The following SDK1 variants were observed in gnomAD, a reference collection of about 807,000 sequenced individuals.
SDK1 encodes protein sidekick-1.
Under a neutral mutation model 245.5 loss-of-function variants are expected in SDK1, and 157 were observed. That is an observed-to-expected ratio of 0.64 (90% CI 0.56 to 0.73). SDK1 has a LOEUF of 0.73. Among genes scored for constraint, SDK1 ranks in the 30% least tolerant of loss-of-function variants. The probability of loss-of-function intolerance (pLI) is 0.00; values close to 1 mark genes in which losing one functional copy is unlikely to be tolerated. For synonymous variants in SDK1, 1,647 were observed against 1,278.5 expected (o/e 1.29, Z -6.15); for missense variants, 3,583 against 3,002.3 (o/e 1.19, Z -4.52).
At chr7:3,665,527 G>A (rs975677938) in intron 4 of SDK1, among the ~76,000 whole-genome samples, 3 of 152,150 alleles carry the variant, frequency 2.0e-5, no homozygotes, top group Non-Finnish European at 2.9e-5. Context: ...TGATGTTCAA[G>A]AAGTATTTGT....
At chr7:4,222,823 C>T (rs1479038430) in intron 40 of SDK1, among the ~76,000 whole-genome samples, 2 of 152,106 alleles carry the variant, frequency 1.3e-5, no homozygotes, top group African/African-American at 4.8e-5. Context: ...CCTGTGAAAG[C>T]CCATGGCCCC....
chr7:4,073,977 A>T (rs1442175018), intron 20 of SDK1, among the ~76,000 whole-genome samples: 1 of 151,740 alleles, frequency 6.6e-6, no homozygotes, highest in Non-Finnish European at 1.5e-5. Context: ...GGGGCGGGGG[A>T]GGTCACAGTC....
rs1303696938 is a variant in SDK1, at chr7:4,026,768, G to A, written c.2602+9416G>A. The stretch of plus-strand genomic sequence containing the variant: ...TCAAAACTGCAAGCACCATAACAAC[G>A]CGAGAACTCAGCCGTGGCCCATAAC... On this transcript the variant is annotated intron_variant, in intron 17 of 44. Transcript: ENST00000404826. This position sits in a 1 kb window ranked among gnomAD's most constrained non-coding sequence, Gnocchi z 4.1. Among the ~76,000 whole-genome samples the A allele has an allele frequency of 2.6e-5, 4 of 152,142 alleles. No homozygotes were observed. Among genetic ancestry groups the A allele is most frequent in the Admixed American group, 2.0e-4 (3 of 15,276 alleles).
intron 11 of SDK1, among the ~76,000 whole-genome samples, chr7:3,969,808 A>G (rs1333344751): frequency 6.6e-6 from 1 of 152,218 alleles, no homozygotes; most frequent in Non-Finnish European, 1.5e-5. Context: ...TGTTAGGGAC[A>G]ACTAAAACAC....
In SDK1 at chr7:4,081,260, G is replaced by A. The variant is rs530366219; in HGVS notation, c.3324+1676G>A. On this transcript the variant is annotated intron_variant, in intron 22 of 44. Transcript: ENST00000404826. ...ATGACGCTCCTTTGGCCCATGTTCC[G>A]TTGCCCAGAACTTGGGCAACGTGGC... 3.3e-5 allele frequency among the ~76,000 whole-genome samples: 5 copies of A among 152,208 alleles called. No individual in the cohort carries two copies. In the East Asian group the frequency reaches 5.8e-4, roughly 18 times the overall value.
At chr7:3,663,522 G>C (rs759591279) in intron 4 of SDK1, among the ~76,000 whole-genome samples, 4 of 152,162 alleles carry the variant, frequency 2.6e-5, no homozygotes, top group Non-Finnish European at 5.9e-5. Flanking sequence ...TGAGGGACCT[G>C]AACAACACAA....
At chr7:3,674,651 A>T (rs1162156482) in intron 4 of SDK1, among the ~76,000 whole-genome samples, 1 of 152,182 alleles carries the variant, frequency 6.6e-6, no homozygotes, top group Non-Finnish European at 1.5e-5. Flanking sequence ...GACAAAGGGC[A>T]GTGATGTGTT....
intron 4 of SDK1, among the ~76,000 whole-genome samples, chr7:3,720,351 G>C (rs1482375887): frequency 2.0e-5 from 3 of 152,064 alleles, no homozygotes; most frequent in Non-Finnish European, 2.9e-5. Context: ...GAATATACTA[G>C]AATATATTGA....
At chr7:3,664,491 C>G (rs191887494) in intron 4 of SDK1, among the ~76,000 whole-genome samples, 1 of 152,120 alleles carries the variant, frequency 6.6e-6, no homozygotes, top group Non-Finnish European at 1.5e-5. Flanking sequence ...GTAAACCCAG[C>G]ACTTTGGGAG....
intron 1 of SDK1, among the ~76,000 whole-genome samples, chr7:3,499,714 A>C (rs1004719373): frequency 6.6e-6 from 1 of 152,204 alleles, no homozygotes; most frequent in African/African-American, 2.4e-5. Flanking sequence ...AACGGAGCTG[A>C]GTCTGGGTCA....
chr7:3,533,219 A>T (rs1783408317), intron 1 of SDK1, among the ~76,000 whole-genome samples: 2 of 152,178 alleles, frequency 1.3e-5, no homozygotes, highest in Admixed American at 1.3e-4. Context: ...GTCACTCCTG[A>T]TAAGACTCTG....
intron 1 of SDK1, among the ~76,000 whole-genome samples, chr7:3,398,132 G>GCTGTAGGTTTTTCTGTAA (rs1437776654): frequency 1.3e-5 from 2 of 152,022 alleles, no homozygotes; most frequent in Non-Finnish European, 2.9e-5. Context: ...GTTTTCTGTA[G>GCTGTAGGTTTTTCTGTAA]CTGTAGGTTT....
At chr7:3,525,926 T>A (rs1783112145) in intron 1 of SDK1, among the ~76,000 whole-genome samples, 1 of 152,112 alleles carries the variant, frequency 6.6e-6, no homozygotes, top group Non-Finnish European at 1.5e-5. Context: ...ATAATATAGC[T>A]CTACTCTCAG....
At chr7:4,129,614 T>TGGTTGGCATGGCTGC in intron 26 of SDK1, 2 of 1,221,418 alleles carry the variant, frequency 1.6e-6, no homozygotes, top group Non-Finnish European at 2.1e-6. Flanking sequence ...TTAGTGGCTG[T>TGGTTGGCATGGCTGC]GGTTGGCATG....
intron 4 of SDK1, among the ~76,000 whole-genome samples, chr7:3,724,554 C>T (rs1032758781): frequency 6.6e-6 from 1 of 152,080 alleles, no homozygotes; most frequent in Non-Finnish European, 1.5e-5. Context: ...TCCAAGGGGC[C>T]TAATATTGAA....
intron 30 of SDK1, among the ~76,000 whole-genome samples, chr7:4,150,438 C>A (rs1375878773): frequency 6.6e-6 from 1 of 152,220 alleles, no homozygotes; most frequent in Non-Finnish European, 1.5e-5. Flanking sequence ...GGCCGAGCTT[C>A]CTCTGTCTCT....
chr7:3,448,768 G>A (rs1050658530), intron 1 of SDK1, among the ~76,000 whole-genome samples: 2 of 152,142 alleles, frequency 1.3e-5, no homozygotes, highest in Admixed American at 6.5e-5. Flanking sequence ...ATATTTAAAT[G>A]GTTACATTTT....
chr7:3,882,649 G>A (rs568509709), intron 5 of SDK1, among the ~76,000 whole-genome samples: 27 of 152,226 alleles, frequency 1.8e-4, no homozygotes, highest in East Asian at 3.9e-4. Flanking sequence ...TTGTTGGAGC[G>A]TGTTTCACCT....
intron 38 of SDK1, among the ~76,000 whole-genome samples, chr7:4,214,800 T>G (rs1784699050): frequency 6.6e-6 from 1 of 152,186 alleles, no homozygotes; most frequent in Non-Finnish European, 1.5e-5. Context: ...GAGCTTCCTC[T>G]AGACATGACA....
Sources: gnomAD v4.1 joint callset for allele counts (sites outside exome capture counted in the v4.1 genomes callset) on GRCh38, gnomAD v4.1.1 for gene constraint, Gnocchi (gnomAD v3.1) non-coding constraint, MANE v1.5 for transcripts, NCBI Gene and HGNC (gene_info 2026-07-23, HGNC 2026-07-21) for gene names.